The following MITF variants were observed in gnomAD, a reference collection of about 807,000 sequenced individuals.
MITF encodes microphthalmia-associated transcription factor.
MITF carries 17 observed loss-of-function variants against 60.5 expected under a neutral mutation model. The observed-to-expected ratio is 0.28, with a 90% CI of 0.19 to 0.42. The LOEUF is 0.42. MITF is among the 10% of genes least tolerant of loss of function. The pLI is 1.00. For missense variants in MITF, 622 were observed against 683.5 expected, an observed-to-expected ratio of 0.91 and a Z score of 1.00; for synonymous variants, 260 against 248.5, an observed-to-expected ratio of 1.05 and a Z score of -0.43.
chr3:69,875,639 C>A (rs763271340), intron 1 of MITF, among the ~76,000 whole-genome samples: 5 of 152,224 alleles, frequency 3.3e-5, no homozygotes, highest in Non-Finnish European at 7.3e-5. Flanking sequence ...TTCAGCATCA[C>A]GTCCTCGTTT....
intron 1 of MITF, among the ~76,000 whole-genome samples, chr3:69,839,780 TG>T (rs774933058): frequency 6.6e-6 from 1 of 152,062 alleles, no homozygotes; most frequent in East Asian, 1.9e-4. Flanking sequence ...GAATTTCAGT[TG>T]ATTTTTTGAA....
intron 1 of MITF, among the ~76,000 whole-genome samples, chr3:69,787,105 T>C (rs1456658252): frequency 4.6e-5 from 7 of 152,204 alleles, no homozygotes; most frequent in African/African-American, 7.2e-5. Flanking sequence ...CTGGGAGCTC[T>C]TCCACGATAG....
intron 1 of MITF, among the ~76,000 whole-genome samples, chr3:69,768,899 T>C (rs957103288): frequency 1.3e-5 from 2 of 152,216 alleles, no homozygotes; most frequent in Non-Finnish European, 2.9e-5. Flanking sequence ...ATTAGGATGG[T>C]AATTGCAGCT....
intron 1 of MITF, among the ~76,000 whole-genome samples, chr3:69,765,713 G>C (rs2062280129): frequency 6.6e-6 from 1 of 152,144 alleles, no homozygotes. Context: ...TTTGGATTAG[G>C]AATACAAATA....
intron 1 of MITF, among the ~76,000 whole-genome samples, chr3:69,821,014 A>G (rs1331423324): frequency 2.6e-5 from 4 of 152,084 alleles, no homozygotes; most frequent in African/African-American, 4.8e-5. Flanking sequence ...GTTGTAGGAT[A>G]TTTTCCAAAC....
chr3:69,951,528 C>T (rs73117390), intron 6 of MITF, among the ~76,000 whole-genome samples: 1 of 152,058 alleles, frequency 6.6e-6, no homozygotes, highest in Non-Finnish European at 1.5e-5. Context: ...TTCTTTCTTG[C>T]TAGTATCTGT....
chr3:69,771,907 C>T (rs1244728074), intron 1 of MITF, among the ~76,000 whole-genome samples: 1 of 152,118 alleles, frequency 6.6e-6, no homozygotes, highest in South Asian at 2.1e-4. Context: ...GAATGGAAAA[C>T]TTTTCTACTT....
intron 1 of MITF, among the ~76,000 whole-genome samples, chr3:69,845,162 T>C (rs2063707763): frequency 6.6e-6 from 1 of 152,182 alleles, no homozygotes; most frequent in South Asian, 2.1e-4. Flanking sequence ...CATCCACTTA[T>C]ATTAATTTTC....
At chr3:69,904,633 A>G (rs545070747) in intron 2 of MITF, among the ~76,000 whole-genome samples, 7 of 152,304 alleles carry the variant, frequency 4.6e-5, no homozygotes, top group East Asian at 1.9e-4. Flanking sequence ...GTCTGTATCA[A>G]TGTATCCTTT....
chr3:69,905,447 T>C (rs1005119865), intron 2 of MITF, among the ~76,000 whole-genome samples: 4 of 152,158 alleles, frequency 2.6e-5, no homozygotes, highest in Non-Finnish European at 5.9e-5. Flanking sequence ...TGAATATTTA[T>C]GTACAGGTCT....
At chr3:69,934,737 G>A (rs1454648012) in intron 2 of MITF, among the ~76,000 whole-genome samples, 1 of 152,170 alleles carries the variant, frequency 6.6e-6, no homozygotes, top group Non-Finnish European at 1.5e-5. Flanking sequence ...GCCTGGATTT[G>A]GACTAATTTC....
chr3:69,764,379 G>C (rs992827073), intron 1 of MITF, among the ~76,000 whole-genome samples: 1 of 152,154 alleles, frequency 6.6e-6, no homozygotes, highest in Admixed American at 6.5e-5. Flanking sequence ...TTAAATTACA[G>C]CTGGTGGGGA....
At chr3:69,904,881 G>T (rs756205815) in intron 2 of MITF, among the ~76,000 whole-genome samples, 12 of 152,158 alleles carry the variant, frequency 7.9e-5, no homozygotes, top group Non-Finnish European at 1.5e-4. Context: ...GCTGGTAGGA[G>T]TGTGAGATGA....
At chr3:69,847,642 C>T (rs2063754741) in intron 1 of MITF, among the ~76,000 whole-genome samples, 1 of 152,186 alleles carries the variant, frequency 6.6e-6, no homozygotes, top group Non-Finnish European at 1.5e-5. Context: ...TGAATGGATT[C>T]TGTTAGTGGC....
At chr3:69,817,459 G>A (rs78820208) in intron 1 of MITF, among the ~76,000 whole-genome samples, 4,706 of 152,038 alleles carry the variant, frequency 0.031, 124 homozygotes, top group Non-Finnish European at 0.05. Flanking sequence ...GTACTACTCA[G>A]GTAAAATTTT....
intron 2 of MITF, among the ~76,000 whole-genome samples, chr3:69,891,763 T>C (rs766153931): frequency 4.6e-5 from 7 of 152,172 alleles, no homozygotes; most frequent in Non-Finnish European, 1.0e-4. Context: ...GGCAAGCACT[T>C]TGAGAAGAAA....
chr3:69,954,659 A>C (rs1261055155), intron 7 of MITF, among the ~76,000 whole-genome samples: 1 of 152,120 alleles, frequency 6.6e-6, no homozygotes, highest in Non-Finnish European at 1.5e-5. Flanking sequence ...AATAAGAAGA[A>C]AGTATCATAC....
intron 1 of MITF, among the ~76,000 whole-genome samples, chr3:69,811,120 C>T (rs942443174): frequency 1.4e-4 from 22 of 152,134 alleles, no homozygotes; most frequent in African/African-American, 5.3e-4. Flanking sequence ...GAAATACCAG[C>T]GTTGGGAAGC....
At chr3:69,750,018 T>TA (rs1703870694) in intron 1 of MITF, among the ~76,000 whole-genome samples, 1 of 152,208 alleles carries the variant, frequency 6.6e-6, no homozygotes, top group African/African-American at 2.4e-5. Context: ...TTGGTCATAA[T>TA]ATCAAAATCA....
Sources: allele counts gnomAD v4.1 joint callset (sites outside exome capture counted in the v4.1 genomes callset), GRCh38; gene constraint gnomAD v4.1.1; transcripts MANE v1.5; gene names NCBI Gene and HGNC (gene_info 2026-07-23, HGNC 2026-07-21).